REDIC1: variants seen among roughly 807,000 people sequenced by gnomAD.
REDIC1 encodes the protein HEI10 Interacting Protein 1.
chr12:39,869,284 T>C, the REDIC1 span, among the ~76,000 whole-genome samples: 3 of 152,292 alleles, frequency 2.0e-5, no homozygotes, highest in East Asian at 3.9e-4. Context: ...ATTCTGAAGG[T>C]GTAAAGGTCC....
the REDIC1 span, among the ~76,000 whole-genome samples, chr12:39,906,028 A>T: frequency 6.6e-6 from 1 of 152,166 alleles, no homozygotes; most frequent in Admixed American, 6.6e-5. Context: ...AATCTGTAAA[A>T]CACCATAAAT....
chr12:39,776,270 C>CACAGTCACT, the REDIC1 span, among the ~76,000 whole-genome samples: 147,855 of 152,134 alleles, frequency 0.97, 71,849 homozygotes, highest in East Asian at 1. Context: ...ATTTATACTA[C>CACAGTCACT]ACACTGCTTC....
chr12:39,653,924 T>A, the REDIC1 span, among the ~76,000 whole-genome samples: 75 of 151,502 alleles, frequency 5.0e-4, no homozygotes, highest in Non-Finnish European at 9.7e-4. Context: ...ATGATTTTTT[T>A]AAAGTATGAT....
the REDIC1 span, among the ~76,000 whole-genome samples, chr12:39,677,465 G>C: frequency 1.3e-5 from 2 of 151,964 alleles, no homozygotes; most frequent in African/African-American, 4.8e-5. Context: ...CTAGACCTAA[G>C]AAATGAGATA....
the REDIC1 span, among the ~76,000 whole-genome samples, chr12:39,778,946 G>A: frequency 2.6e-5 from 4 of 152,104 alleles, no homozygotes; most frequent in Non-Finnish European, 5.9e-5. Flanking sequence ...AATGAGGAAG[G>A]GAAATATCTG....
chr12:39,717,747 C>T, the REDIC1 span, among the ~76,000 whole-genome samples: 3 of 152,056 alleles, frequency 2.0e-5, no homozygotes, highest in Non-Finnish European at 2.9e-5. Flanking sequence ...AGGTCTATGT[C>T]GTAAAGAAAT....
chr12:39,710,065 G>T, the REDIC1 span, among the ~76,000 whole-genome samples: 1 of 151,528 alleles, frequency 6.6e-6, no homozygotes, highest in Non-Finnish European at 1.5e-5. Context: ...CTTTTTAAAT[G>T]GTGAATTTTA....
At chr12:39,743,313 AGG>A in the REDIC1 span, among the ~76,000 whole-genome samples, 1 of 152,148 alleles carries the variant, frequency 6.6e-6, no homozygotes, top group African/African-American at 2.4e-5. Context: ...TTCACAGGCC[AGG>A]GGCACCAGCT....
the REDIC1 span, among the ~76,000 whole-genome samples, chr12:39,782,741 A>G: frequency 3.1e-3 from 465 of 152,298 alleles, 1 homozygote; most frequent in African/African-American, 0.011. Flanking sequence ...GGAACATCCT[A>G]AAGACATGTT....
At chr12:39,695,433 G>A in the REDIC1 span, among the ~76,000 whole-genome samples, 31 of 152,102 alleles carry the variant, frequency 2.0e-4, no homozygotes, top group African/African-American at 7.0e-4. Context: ...GAACCCTTGG[G>A]TCTTAAGGGA....
the REDIC1 span, among the ~76,000 whole-genome samples, chr12:39,836,096 G>C: frequency 6.6e-6 from 1 of 152,066 alleles, no homozygotes; most frequent in Non-Finnish European, 1.5e-5. Flanking sequence ...AGCTCTCTTT[G>C]AAATCACAGC....
the REDIC1 span, among the ~76,000 whole-genome samples, chr12:39,632,178 C>T: frequency 2.0e-5 from 3 of 152,034 alleles, no homozygotes. Flanking sequence ...CTCACTGCAA[C>T]TTCCAACTCC....
At chr12:39,799,094 T>C in the REDIC1 span, among the ~76,000 whole-genome samples, 13 of 148,816 alleles carry the variant, frequency 8.7e-5, no homozygotes, top group African/African-American at 3.0e-4. Flanking sequence ...TTTTTTTTTT[T>C]TTAGACTCAG....
At chr12:39,657,333 C>T in the REDIC1 span, among the ~76,000 whole-genome samples, 5 of 152,164 alleles carry the variant, frequency 3.3e-5, no homozygotes, top group Non-Finnish European at 4.4e-5. Context: ...TATATAGCCT[C>T]GGTGTGTAGT....
At chr12:39,902,228 A>G in the REDIC1 span, among the ~76,000 whole-genome samples, 1 of 151,326 alleles carries the variant, frequency 6.6e-6, no homozygotes, top group Non-Finnish European at 1.5e-5. Flanking sequence ...ATTAGGAGAT[A>G]TACCTAATGC....
chr12:39,751,589 A>C, the REDIC1 span, among the ~76,000 whole-genome samples: 1 of 152,252 alleles, frequency 6.6e-6, no homozygotes, highest in Non-Finnish European at 1.5e-5. Context: ...GTTGCTATAA[A>C]GACACATGGA....
the REDIC1 span, among the ~76,000 whole-genome samples, chr12:39,664,090 T>A: frequency 0.26 from 39,309 of 151,598 alleles, 7,356 homozygotes; most frequent in African/African-American, 0.53. Context: ...TTTTTTTTTT[T>A]AAACTTTAAG....
At chr12:39,644,813 C>T in the REDIC1 span, among the ~76,000 whole-genome samples, 2 of 151,688 alleles carry the variant, frequency 1.3e-5, no homozygotes, top group African/African-American at 4.8e-5. Context: ...CCCTCAATAA[C>T]AAAAGACAGA....
the REDIC1 span, chr12:39,864,883 C>A: frequency 2.5e-6 from 4 of 1,591,064 alleles, no homozygotes; most frequent in Admixed American, 1.8e-5. Flanking sequence ...ACGGTGGTAC[C>A]TTAAAAAAAA....
Sources: allele counts gnomAD v4.1 joint callset (sites outside exome capture counted in the v4.1 genomes callset), GRCh38; gene constraint gnomAD v4.1.1; transcripts MANE v1.5; gene names NCBI Gene and HGNC (gene_info 2026-07-23, HGNC 2026-07-21).